SRPK2: variants seen among roughly 807,000 people sequenced by gnomAD.
The protein encoded by SRPK2 is SFRS protein kinase 2.
Under a neutral mutation model 90.8 loss-of-function variants are expected in SRPK2, and 21 were observed. The ratio of observed to expected loss-of-function variants is 0.23; its 90% CI spans 0.16 to 0.33. The LOEUF is 0.33. Ranked by LOEUF, SRPK2 falls within the 10% of genes least tolerant of loss-of-function variation. The probability of loss-of-function intolerance (pLI) is 1.00; values close to 1 mark genes in which losing one functional copy is unlikely to be tolerated. For synonymous variants in SRPK2, 288 were observed against 311.1 expected (o/e 0.93, Z 0.78); for missense variants, 620 against 869.0 (o/e 0.71, Z 3.60).
chr7:105,348,823 T>C (rs1280255232), intron 2 of SRPK2, among the ~76,000 whole-genome samples: 2 of 151,686 alleles, frequency 1.3e-5, no homozygotes, highest in Admixed American at 1.3e-4. Flanking sequence ...ATGCCAGCAC[T>C]GAAAACAGAA....
At chr7:105,240,235 A>G (rs1165322498) in intron 2 of SRPK2, among the ~76,000 whole-genome samples, 2 of 152,102 alleles carry the variant, frequency 1.3e-5, no homozygotes, top group African/African-American at 4.8e-5. Flanking sequence ...AGTCCTCTTT[A>G]TAAGGATACT....
chr7:105,340,579 GT>G (rs1342470081), intron 2 of SRPK2, among the ~76,000 whole-genome samples: 2 of 151,726 alleles, frequency 1.3e-5, no homozygotes, highest in Non-Finnish European at 2.9e-5. Flanking sequence ...GCCCAGCTAA[GT>G]TTTTTGGTTT....
chr7:105,122,077 A>G (rs1436459202), intron 15 of SRPK2, among the ~76,000 whole-genome samples: 1 of 152,250 alleles, frequency 6.6e-6, no homozygotes, highest in Non-Finnish European at 1.5e-5. Flanking sequence ...GAATTCTTAC[A>G]CAAGTAGACA....
At chr7:105,365,868 T>C (rs950975643) in intron 2 of SRPK2, among the ~76,000 whole-genome samples, 5 of 152,052 alleles carry the variant, frequency 3.3e-5, no homozygotes, top group Admixed American at 3.3e-4. Context: ...TCTTCCTTTT[T>C]TTTTTTTAGA....
At chr7:105,120,479 T>C (rs1204180184) in intron 15 of SRPK2, among the ~76,000 whole-genome samples, 2 of 152,194 alleles carry the variant, frequency 1.3e-5, no homozygotes, top group South Asian at 2.1e-4. Flanking sequence ...CTAGGCATAC[T>C]ATAAACTGGT....
chr7:105,347,554 A>G (rs1264698824), intron 2 of SRPK2, among the ~76,000 whole-genome samples: 1 of 151,800 alleles, frequency 6.6e-6, no homozygotes, highest in Admixed American at 6.6e-5. Flanking sequence ...GGGGAGGGGG[A>G]GGAGGAGGAA....
Position 105,156,993 on chromosome 7 carries a change from A to G in SRPK2, c.621+3514T>C, listed in dbSNP as rs79280075. ...AGCAAACAGGCAATGGGAAGCCACT[A>G]AAGAATTCTAAATGGGAATATGAGT... On this transcript the variant is annotated intron_variant, in intron 7 of 15. Coordinates refer to ENST00000393651, the MANE Select transcript of SRPK2 (RefSeq NM_182692.3). Among the ~76,000 whole-genome samples the G allele has an allele frequency of 3.1e-3, 469 of 152,316 alleles. 14 individuals carry two copies. The East Asian group carries it at 0.062, about 20-fold the overall frequency.
At chr7:105,238,146 C>T (rs1353718005) in intron 2 of SRPK2, among the ~76,000 whole-genome samples, 2 of 152,222 alleles carry the variant, frequency 1.3e-5, no homozygotes, top group Non-Finnish European at 1.5e-5. Context: ...GAATAAACAA[C>T]TAGCAACAAA....
At position 105,386,420 on chromosome 7, in the gene SRPK2, T is replaced by A. The variant is rs559755597; in HGVS notation, c.71+2228A>T. On this transcript the variant is annotated intron_variant, in intron 2 of 15. Transcript: ENST00000393651. ...AACATCAAACAGTTCTTTTAAATAA[T>A]ATCTTGATTCAGGTCGGGCACGGTG... Among the ~76,000 whole-genome samples the A allele has an allele frequency of 2.0e-5, 3 of 150,608 alleles. No homozygotes were observed. In the South Asian group the frequency reaches 6.3e-4, roughly 32 times the overall value.
intron 2 of SRPK2, among the ~76,000 whole-genome samples, chr7:105,326,821 G>A (rs1023227047): frequency 7.9e-5 from 12 of 152,140 alleles, no homozygotes; most frequent in Non-Finnish European, 1.8e-4. Flanking sequence ...CAGCACTTTG[G>A]CAGGTGGAGG....
chr7:105,293,488 C>A (rs1809349797), intron 2 of SRPK2, among the ~76,000 whole-genome samples: 1 of 151,876 alleles, frequency 6.6e-6, no homozygotes, highest in Non-Finnish European at 1.5e-5. Flanking sequence ...TGCAACCTTC[C>A]CCCTCCACCC....
chr7:105,285,382 C>A, intron 2 of SRPK2, among the ~76,000 whole-genome samples: 1 of 79,640 alleles, frequency 1.3e-5, no homozygotes. Flanking sequence ...GAGACCCCGT[C>A]TCCAAAAAAA....
At chr7:105,389,557 T>C (rs182971039), upstream of SRPK2, among the ~76,000 whole-genome samples, 134 of 152,278 alleles carry the variant, frequency 8.8e-4, no homozygotes, top group Admixed American at 5.9e-3. Context: ...AGGACAAAGG[T>C]TTTGCACATG....
At chr7:105,213,542 T>C (rs1224618767) in intron 2 of SRPK2, among the ~76,000 whole-genome samples, 1 of 152,170 alleles carries the variant, frequency 6.6e-6, no homozygotes. Flanking sequence ...CATTATAATC[T>C]ATAGTCAAGG....
intron 11 of SRPK2, among the ~76,000 whole-genome samples, chr7:105,135,068 AT>A (rs1802589313): frequency 6.6e-6 from 1 of 152,240 alleles, no homozygotes; most frequent in South Asian, 2.1e-4. Context: ...AAATATAAAA[AT>A]GCTGACCCAA....
At chr7:105,327,914 C>T (rs1471958428) in intron 2 of SRPK2, among the ~76,000 whole-genome samples, 1 of 152,192 alleles carries the variant, frequency 6.6e-6, no homozygotes, top group Non-Finnish European at 1.5e-5. Context: ...CATTCTCCTG[C>T]CTCAGCCTCC....
rs926386321 is a variant in SRPK2, at chr7:105,360,957, C to T, written c.71+27691G>A. On this transcript the variant is annotated intron_variant, in intron 2 of 15. Coordinates refer to ENST00000393651, the MANE Select transcript of SRPK2 (RefSeq NM_182692.3). The stretch of plus-strand genomic sequence containing the variant: ...TCTCTCACCACTCGAATATTCAACA[C>T]GTTGCTGGAAGTTCTGGCCAGGGCA... Among the ~76,000 whole-genome samples, 6 of 152,196 alleles carry T rather than the reference C, an allele frequency of 3.9e-5. 1 individual carries two copies. The highest frequency in any genetic ancestry group is 1.2e-4 in the African/African-American group (5 of 41,534).
In SRPK2 at chr7:105,203,656, C is replaced by T; in HGVS notation, c.201G>A (p.Glu67=). ...EEEILGSDDE[E]QEDPADYCKG... ...TGCAGTAGTCCGCAGGGTCCTCTTG[C>T]TCCTCATCATCTGATCCCAGGATCT... Residue 67 remains glutamate, a synonymous_variant, in exon 3 of 16, where the codon GAG becomes GAA. Coordinates refer to ENST00000393651, the MANE Select transcript of SRPK2 (RefSeq NM_182692.3). 6.5e-7 allele frequency: 1 copy of T among 1,541,468 alleles called. No individual in the cohort carries two copies. Among genetic ancestry groups the T allele is most frequent in the Non-Finnish European group, 8.7e-7 (1 of 1,149,340 alleles).
At position 105,146,559 on chromosome 7, in the gene SRPK2, T is replaced by A; in HGVS notation, c.721A>T (p.Arg241Ter). Residue 241 changes from arginine (R) to a stop codon, truncating the protein, a stop_gained, in exon 8 of 16, where the codon AGA becomes TGA. Transcript: ENST00000393651. LOFTEE classifies it high-confidence loss of function. Reference sequence around the variant, plus strand: ...TCAGTGGCCTCAGCTGCCATTCTTCTCACATATGCATCATCCACACACATC... The same window carrying A: ...TCAGTGGCCTCAGCTGCCATTCTTCACACATATGCATCATCCACACACATC... ...ILMCVDDAYV[R>*]RMAAEATEWQ... 6.2e-7 allele frequency: 1 copy of A among 1,614,170 alleles called. No individual in the cohort carries two copies. The highest frequency in any genetic ancestry group is 8.5e-7 in the Non-Finnish European group (1 of 1,180,028).
Sources: gnomAD v4.1 joint callset for allele counts (sites outside exome capture counted in the v4.1 genomes callset) on GRCh38, gnomAD v4.1.1 for gene constraint, MANE v1.5 for transcripts, NCBI Gene and HGNC (gene_info 2026-07-23, HGNC 2026-07-21) for gene names.